Variants in WDFY4 observed in about 807,000 individuals in gnomAD.
WDFY4 encodes the protein WD repeat- and FYVE domain-containing protein 4.
WDFY4 carries 169 observed loss-of-function variants against 351.9 expected under a neutral mutation model. That is an observed-to-expected ratio of 0.48 (90% CI 0.42 to 0.55). The LOEUF (loss-of-function observed/expected upper bound fraction) is 0.55. Among genes scored for constraint, WDFY4 ranks in the 20% least tolerant of loss-of-function variants. The pLI is 0.00. For synonymous variants in WDFY4, 1,622 were observed against 1,574.6 expected (o/e 1.03, Z -0.71); for missense variants, 3,803 against 3,935.6 (o/e 0.97, Z 0.90).
chr10:48,719,678 G>A (rs914839889), intron 2 of WDFY4, among the ~76,000 whole-genome samples: 1 of 152,216 alleles, frequency 6.6e-6, no homozygotes, highest in Admixed American at 6.5e-5. Context: ...AGGCACTCCT[G>A]GTGCTCCTAT....
chr10:48,863,841 T>C (rs919589068), intron 39 of WDFY4, among the ~76,000 whole-genome samples: 3 of 152,162 alleles, frequency 2.0e-5, no homozygotes, highest in African/African-American at 7.2e-5. Context: ...CTTACAATCA[T>C]GGCAGAAGGT....
At chr10:48,780,426 CT>C (rs2066181737) in intron 19 of WDFY4, among the ~76,000 whole-genome samples, 1 of 152,170 alleles carries the variant, frequency 6.6e-6, no homozygotes, top group Admixed American at 6.5e-5. Flanking sequence ...CAAAGCAAAG[CT>C]TCTCATTTTG....
intron 41 of WDFY4, 71 bp downstream of exon 41, chr10:48,873,768 C>T (rs2069879802): frequency 1.4e-6 from 2 of 1,477,588 alleles, no homozygotes; most frequent in Non-Finnish European, 9.2e-7. Flanking sequence ...TCCTGAGCTT[C>T]CCCATCACAT....
At chr10:48,974,516 A>AAAAAAAAAAAAAAAAAAAAAAAAAAC (rs1554824248) in intron 57 of WDFY4, among the ~76,000 whole-genome samples, 1 of 16,332 alleles carries the variant, frequency 6.1e-5, no homozygotes, top group African/African-American at 8.4e-5. Context: ...AAAAAAAAAA[A>AAAAAAAAAAAAAAAAAAAAAAAAAAC]AAAAAAAAAA....
intron 19 of WDFY4, among the ~76,000 whole-genome samples, chr10:48,781,266 G>GTATA (rs531874490): frequency 6.0e-5 from 9 of 150,534 alleles, no homozygotes; most frequent in Non-Finnish European, 1.2e-4. Flanking sequence ...GTGTGTGTGT[G>GTATA]TATATATATA....
At chr10:48,720,468 C>T (rs1456740090) in intron 3 of WDFY4, among the ~76,000 whole-genome samples, 1 of 151,896 alleles carries the variant, frequency 6.6e-6, no homozygotes, top group Non-Finnish European at 1.5e-5. Context: ...CACATAGACA[C>T]ACAGAGATAC....
intron 57 of WDFY4, among the ~76,000 whole-genome samples, chr10:48,974,640 C>A (rs1842487997): frequency 6.6e-6 from 1 of 151,652 alleles, no homozygotes; most frequent in Admixed American, 6.6e-5. Flanking sequence ...GGTTTCTCCC[C>A]AGCAGAGCCT....
At chr10:48,726,190 T>C (rs1339638648) in intron 6 of WDFY4, 120 bp downstream of exon 6, 4 of 1,211,188 alleles carry the variant, frequency 3.3e-6, no homozygotes, top group Non-Finnish European at 4.5e-6. Context: ...CAGCCTCTTA[T>C]AGAATTTTGG....
intron 47 of WDFY4, among the ~76,000 whole-genome samples, chr10:48,931,576 G>A (rs1252695214): frequency 2.0e-5 from 3 of 152,196 alleles, no homozygotes; most frequent in Non-Finnish European, 2.9e-5. Flanking sequence ...TCCATCCAGA[G>A]GTGAAGAACT....
At chr10:48,696,466 C>T (rs2132116548) in intron 1 of WDFY4, among the ~76,000 whole-genome samples, 1 of 152,376 alleles carries the variant, frequency 6.6e-6, no homozygotes, top group East Asian at 1.9e-4. Flanking sequence ...TGTGTCCTCG[C>T]CAGGGCCAAA....
intron 23 of WDFY4, among the ~76,000 whole-genome samples, chr10:48,793,668 A>G (rs943669518): frequency 4.6e-5 from 7 of 152,294 alleles, no homozygotes; most frequent in African/African-American, 1.7e-4. Flanking sequence ...CATGCTTCAT[A>G]AGAGCGTGTG....
rs2063108962 is a variant in WDFY4, at chr10:48,688,351, A to AT, written c.-18+3350_-18+3351insT. The stretch of plus-strand genomic sequence containing the variant: ...GAATTGGCTTTCAACAGAAAAAAAA[A>AT]CTATGTTCAGATTTGACTGGAAATA... On this transcript the variant is annotated intron_variant, in intron 1 of 61. Transcript: ENST00000325239. Among the ~76,000 whole-genome samples, 3 of 152,208 alleles carry AT rather than the reference A, an allele frequency of 2.0e-5. No individual in the cohort carries two copies. In the South Asian group the frequency reaches 6.2e-4, roughly 32 times the overall value.
chr10:48,948,889 G>A (rs529583526), intron 51 of WDFY4, among the ~76,000 whole-genome samples: 2 of 152,346 alleles, frequency 1.3e-5, no homozygotes, highest in Admixed American at 6.5e-5. Flanking sequence ...CTGCATCAAA[G>A]TATTCCAACT....
chr10:48,943,590 T>A, intron 49 of WDFY4, 141 bp downstream of exon 49: 1 of 872,372 alleles, frequency 1.1e-6, no homozygotes, highest in Non-Finnish European at 1.6e-6. Flanking sequence ...CTGCTGAAGC[T>A]CAGATCTCTT....
At chr10:48,910,185 G>T in intron 47 of WDFY4, 2 of 1,455,158 alleles carry the variant, frequency 1.4e-6, no homozygotes, top group South Asian at 1.1e-5. Context: ...CTCCTCTTCA[G>T]AGTCGTTTAT....
intron 47 of WDFY4, among the ~76,000 whole-genome samples, chr10:48,928,743 C>A (rs1189765610): frequency 6.6e-6 from 1 of 152,218 alleles, no homozygotes; most frequent in Non-Finnish European, 1.5e-5. Context: ...CGCAGGACAG[C>A]TCGCAGCCCT....
chr10:48,963,552 G>T (rs1448507444), intron 53 of WDFY4, among the ~76,000 whole-genome samples: 3 of 152,030 alleles, frequency 2.0e-5, no homozygotes, highest in Non-Finnish European at 4.4e-5. Context: ...GTCTTTCCCA[G>T]GCCTGCACCT....
Position 48,822,411 on chromosome 10 carries a change from T to A in WDFY4, c.5856T>A (p.Ala1952=), listed in dbSNP as rs1320487119. 1.3e-6 allele frequency: 2 copies of A among 1,550,224 alleles called. No individual in the cohort carries two copies. The highest frequency in any genetic ancestry group is 4.9e-5 in the East Asian group (2 of 40,870). Residue 1952 remains alanine (A), a synonymous_variant, in exon 35 of 62, where the codon GCT becomes GCA. Transcript: ENST00000325239. The part of the protein sequence containing the change: ...DGKEPQPSAE[A]AAAPSLANIS... The stretch of plus-strand genomic sequence containing the variant: ...AAGAGCCTCAGCCAAGTGCAGAAGC[T>A]GCTGCTGCCCCTTCTCTTGCCAACA...
chr10:48,817,542 A>C lies in WDFY4; in HGVS notation c.5505+133A>C. 2.6e-6 allele frequency: 3 copies of C among 1,164,324 alleles called. No homozygotes were observed. In the South Asian group the frequency reaches 5.1e-5, roughly 20 times the overall value. The allele number at this position is 1,164,324 out of a possible 1,614,324, so 72.1% of individuals were successfully genotyped here. A position where few individuals can be genotyped will look rare whatever the true frequency, so the allele number is the denominator to read the frequency against. On this transcript the variant is annotated intron_variant, in intron 32 of 61. Transcript: ENST00000325239. ...TAAGGCAACTTGAGCGGAACATTGA[A>C]TAAGCAGCTTGGATAACCATCCTTT...
Sources: allele counts gnomAD v4.1 joint callset (sites outside exome capture counted in the v4.1 genomes callset), GRCh38; gene constraint gnomAD v4.1.1; transcripts MANE v1.5; gene names NCBI Gene and HGNC (gene_info 2026-07-23, HGNC 2026-07-21).